SLC45A2: variants seen among roughly 807,000 people sequenced by gnomAD.
The protein encoded by SLC45A2 is membrane-associated transporter protein.
In SLC45A2, 36 loss-of-function variants were observed where a neutral mutation model predicts 45.5. That is an observed-to-expected ratio of 0.79 (90% confidence interval 0.61 to 1.04). The LOEUF (loss-of-function observed/expected upper bound fraction) is 1.04. Ranked by LOEUF, SLC45A2 falls within the 50% of genes least tolerant of loss-of-function variation. The pLI is 0.00. For missense variants in SLC45A2, 719 were observed against 671.0 expected (o/e 1.07, Z -0.79); for synonymous variants, 306 against 269.3 (o/e 1.14, Z -1.33).
At chr5:33,952,860 C>T (rs1352925964) in intron 4 of SLC45A2, among the ~76,000 whole-genome samples, 8 of 105,084 alleles carry the variant, frequency 7.6e-5, no homozygotes, top group Non-Finnish European at 1.1e-4. Flanking sequence ...GACCCCACCA[C>T]AGTCCCCAGA....
At position 33,968,697 on chromosome 5, in the gene SLC45A2, T is replaced by C. The variant is rs1363132338; in HGVS notation, c.563-4681A>G. 2.6e-5 allele frequency among the ~76,000 whole-genome samples: 4 copies of C among 152,192 alleles called. No homozygotes were observed. The South Asian group carries it at 8.3e-4, about 31-fold the overall frequency. ...TTGGTAAACTGTCAGTACCAAGGAA[T>C]CTAAAGGATGAAAGGAAACTCAAGA... On this transcript the variant is annotated intron_variant, in intron 2 of 6. Transcript: ENST00000296589.
chr5:33,947,422 C>A (rs1281420153), intron 5 of SLC45A2, 48 bp from the exon 6 acceptor site: 1 of 1,499,172 alleles, frequency 6.7e-7, no homozygotes, highest in African/African-American at 1.4e-5. Flanking sequence ...TGCCTCATAA[C>A]ATTTAATAAT....
chr5:33,976,541 C>T (rs535900419), intron 2 of SLC45A2, among the ~76,000 whole-genome samples: 7 of 152,206 alleles, frequency 4.6e-5, no homozygotes, highest in Admixed American at 1.3e-4. Flanking sequence ...GCCAACTTTC[C>T]CTTTGCCACC....
At chr5:33,971,823 C>T (rs1207576918) in intron 2 of SLC45A2, among the ~76,000 whole-genome samples, 3 of 152,118 alleles carry the variant, frequency 2.0e-5, no homozygotes, top group African/African-American at 7.2e-5. Context: ...GACGAGATTT[C>T]ACCACATTGG....
intron 5 of SLC45A2, among the ~76,000 whole-genome samples, chr5:33,949,597 T>A (rs542574983): frequency 6.6e-6 from 1 of 152,330 alleles, no homozygotes; most frequent in Admixed American, 6.5e-5. Flanking sequence ...CCTATGGGCA[T>A]GGGGAATCCC....
chr5:33,963,074 T>C (rs1029641996), intron 3 of SLC45A2, among the ~76,000 whole-genome samples: 1 of 152,206 alleles, frequency 6.6e-6, no homozygotes, highest in African/African-American at 2.4e-5. Flanking sequence ...AGAAATGAAG[T>C]TCTAATTTTA....
chr5:33,978,469 C>T (rs1415689212), intron 2 of SLC45A2, among the ~76,000 whole-genome samples: 3 of 152,026 alleles, frequency 2.0e-5, no homozygotes, highest in Admixed American at 1.3e-4. Flanking sequence ...CAAAAAGAGA[C>T]ATTTACCATC....
chr5:33,962,758 T>G (rs1364016619), intron 3 of SLC45A2, among the ~76,000 whole-genome samples: 1 of 152,238 alleles, frequency 6.6e-6, no homozygotes, highest in African/African-American at 2.4e-5. Context: ...GCTCTTAATC[T>G]TTAGGTTACC....
intron 2 of SLC45A2, among the ~76,000 whole-genome samples, chr5:33,965,528 T>C (rs35410): frequency 0.12 from 18,474 of 152,112 alleles, 2,333 homozygotes; most frequent in East Asian, 0.39. Flanking sequence ...TGGGGCACAG[T>C]GAAGTAAGAC....
chr5:33,963,059 A>G (rs1274230894), intron 3 of SLC45A2, among the ~76,000 whole-genome samples: 1 of 152,254 alleles, frequency 6.6e-6, no homozygotes, highest in Non-Finnish European at 1.5e-5. Flanking sequence ...AGCTAATGCA[A>G]CTGAAGAAAT....
chr5:33,947,930 C>T (rs1458244106), intron 5 of SLC45A2, among the ~76,000 whole-genome samples: 1 of 152,192 alleles, frequency 6.6e-6, no homozygotes, highest in East Asian at 1.9e-4. Flanking sequence ...TCTGAAGACA[C>T]CTTCCCTGAC....
chr5:33,945,557 G>C (rs1016806770), intron 6 of SLC45A2, among the ~76,000 whole-genome samples: 13 of 151,286 alleles, frequency 8.6e-5, no homozygotes, highest in African/African-American at 2.9e-4. Context: ...TTTTTTACCT[G>C]TTACTGTATT....
chr5:33,945,449 T>C (rs532221686), intron 6 of SLC45A2, among the ~76,000 whole-genome samples: 44 of 152,336 alleles, frequency 2.9e-4, no homozygotes, highest in Admixed American at 2.5e-3. Flanking sequence ...GCTACTTGAT[T>C]AATATAATAA....
chr5:33,958,235 G>T (rs537877633), intron 3 of SLC45A2, among the ~76,000 whole-genome samples: 25 of 152,236 alleles, frequency 1.6e-4, no homozygotes, highest in African/African-American at 5.8e-4. Context: ...TATGAGATCT[G>T]GTTTAAACTT....
intron 2 of SLC45A2, among the ~76,000 whole-genome samples, chr5:33,967,178 G>A (rs530077912): frequency 5.9e-5 from 9 of 152,310 alleles, no homozygotes; most frequent in African/African-American, 1.9e-4. Flanking sequence ...TTGCTGAAAG[G>A]ATTTAGTCAT....
chr5:33,959,930 C>T (rs985984890), intron 3 of SLC45A2, among the ~76,000 whole-genome samples: 1 of 152,096 alleles, frequency 6.6e-6, no homozygotes, highest in Non-Finnish European at 1.5e-5. Context: ...AGATGTATTG[C>T]TTTTATTTAT....
intron 6 of SLC45A2, among the ~76,000 whole-genome samples, chr5:33,945,446 G>C (rs1190590975): frequency 3.3e-5 from 5 of 152,144 alleles, no homozygotes; most frequent in Non-Finnish European, 4.4e-5. Context: ...GTTGCTACTT[G>C]ATTAATATAA....
At chr5:33,975,160 G>A (rs555339270) in intron 2 of SLC45A2, among the ~76,000 whole-genome samples, 1 of 152,352 alleles carries the variant, frequency 6.6e-6, no homozygotes, top group East Asian at 1.9e-4. Flanking sequence ...ATGCACGGGA[G>A]ACAGTCGGCT....
intron 2 of SLC45A2, among the ~76,000 whole-genome samples, chr5:33,971,783 T>C: frequency 6.6e-6 from 1 of 152,130 alleles, no homozygotes; most frequent in East Asian, 1.9e-4. Context: ...TGCACCCCCA[T>C]GCCTGGCTAA....
Sources: allele counts gnomAD v4.1 joint callset (sites outside exome capture counted in the v4.1 genomes callset), GRCh38; gene constraint gnomAD v4.1.1; transcripts MANE v1.5; gene names NCBI Gene and HGNC (gene_info 2026-07-23, HGNC 2026-07-21).